The following CNTN6 variants were observed in gnomAD, a reference collection of about 807,000 sequenced individuals.
CNTN6 encodes the protein contactin-6.
A neutral mutation model predicts 122.8 loss-of-function variants in CNTN6; 137 were observed. The ratio of observed to expected loss-of-function variants is 1.12; its 90% confidence interval spans 0.97 to 1.29. The LOEUF (loss-of-function observed/expected upper bound fraction) is 1.29. CNTN6 is among the 50% of genes most tolerant of loss of function. CNTN6 has a pLI of 0.00. For missense variants in CNTN6, 1,634 were observed against 1,223.4 expected, an observed-to-expected ratio of 1.34 and a Z score of -5.01; for synonymous variants, 570 against 426.0, an observed-to-expected ratio of 1.34 and a Z score of -4.16.
At chr3:1,304,826 CTACAAAAAA>C (rs1028487783) in intron 7 of CNTN6, among the ~76,000 whole-genome samples, 3 of 151,558 alleles carry the variant, frequency 2.0e-5, no homozygotes, top group African/African-American at 7.3e-5. Flanking sequence ...ACCCCCTTAT[CTACAAAAAA>C]TACAAAAAAT....
At chr3:1,269,497 G>A (rs968884700) in intron 4 of CNTN6, among the ~76,000 whole-genome samples, 16 of 152,136 alleles carry the variant, frequency 1.1e-4, no homozygotes, top group African/African-American at 3.9e-4. Flanking sequence ...TTTAAATGTA[G>A]GGAATATGCC....
intron 1 of CNTN6, among the ~76,000 whole-genome samples, chr3:1,124,217 G>A (rs189000901): frequency 1.6e-4 from 24 of 152,002 alleles, no homozygotes; most frequent in African/African-American, 4.3e-4. Flanking sequence ...AGAGGAAAGC[G>A]TTCCTTTGTC....
At chr3:1,246,573 G>A (rs2094585649) in intron 4 of CNTN6, among the ~76,000 whole-genome samples, 1 of 151,914 alleles carries the variant, frequency 6.6e-6, no homozygotes. Context: ...CGGGAAATTG[G>A]GCATGCATAT....
chr3:1,394,230 A>G, intron 20 of CNTN6: 1 of 241,656 alleles, frequency 4.1e-6, no homozygotes. Flanking sequence ...CCGCACCAAT[A>G]GTGCCAGCCC....
chr3:1,166,236 C>A (rs527696232), intron 2 of CNTN6, among the ~76,000 whole-genome samples: 26 of 152,076 alleles, frequency 1.7e-4, no homozygotes, highest in Non-Finnish European at 2.5e-4. Flanking sequence ...TGTGGAGGGG[C>A]TCTGAGTGGG....
intron 2 of CNTN6, among the ~76,000 whole-genome samples, chr3:1,153,923 C>T (rs17034400): frequency 0.013 from 1,968 of 152,230 alleles, 51 homozygotes; most frequent in African/African-American, 0.044. Flanking sequence ...ATATTGAGTA[C>T]GTCACAACCC....
rs184326302 is a variant in CNTN6, at chr3:1,176,474, C to T, written c.55+28411C>T. On this transcript the variant is annotated intron_variant, in intron 2 of 22. Transcript: ENST00000446702. ...CAACCTGGTTAGCCGAAGAGAGTGGCTGGTAGAGAATGACTAGCATGCAAC... is the reference window on the plus strand; with the variant it reads ...CAACCTGGTTAGCCGAAGAGAGTGGTTGGTAGAGAATGACTAGCATGCAAC... Among the ~76,000 whole-genome samples the T allele has an allele frequency of 2.4e-4, 36 of 152,216 alleles. No homozygotes were observed. The East Asian group carries it at 6.2e-3, about 26-fold the overall frequency.
intron 11 of CNTN6, among the ~76,000 whole-genome samples, chr3:1,345,792 C>T (rs986335312): frequency 8.5e-5 from 13 of 152,050 alleles, no homozygotes; most frequent in Non-Finnish European, 1.3e-4. Flanking sequence ...TCTTATCTAA[C>T]TCATTTTAAT....
intron 7 of CNTN6, among the ~76,000 whole-genome samples, chr3:1,305,302 G>T (rs1698178220): frequency 6.6e-6 from 1 of 152,168 alleles, no homozygotes; most frequent in Non-Finnish European, 1.5e-5. Context: ...GCTAGTGTGA[G>T]TATAGAATAA....
intron 5 of CNTN6, among the ~76,000 whole-genome samples, chr3:1,282,948 A>C (rs571811041): frequency 3.3e-5 from 5 of 152,266 alleles, no homozygotes; most frequent in African/African-American, 1.2e-4. Flanking sequence ...GTCATCCCTC[A>C]GTTCATGCAA....
At chr3:1,374,565 CTAATTGAGCAT>C (rs915083334) in intron 16 of CNTN6, among the ~76,000 whole-genome samples, 1 of 152,046 alleles carries the variant, frequency 6.6e-6, no homozygotes, top group African/African-American at 2.4e-5. Flanking sequence ...AACAGGGGCA[CTAATTGAGCAT>C]TAATTGGTTC....
At chr3:1,277,472 G>A (rs535737432) in intron 4 of CNTN6, among the ~76,000 whole-genome samples, 7 of 145,872 alleles carry the variant, frequency 4.8e-5, no homozygotes, top group Non-Finnish European at 1.0e-4. Flanking sequence ...CAATTCTCAT[G>A]CCTCAGCCTC....
chr3:1,217,218 C>G (rs1368953066), intron 2 of CNTN6, among the ~76,000 whole-genome samples: 2 of 152,126 alleles, frequency 1.3e-5, no homozygotes, highest in African/African-American at 2.4e-5. Context: ...GAAGTCTGAC[C>G]TGAGTGGTCT....
intron 20 of CNTN6, among the ~76,000 whole-genome samples, chr3:1,391,636 G>T (rs1481156258): frequency 7.3e-5 from 11 of 151,468 alleles, no homozygotes; most frequent in African/African-American, 2.7e-4. Flanking sequence ...CAGATGAGAT[G>T]ATTGTATATC....
At chr3:1,187,236 G>C (rs1221984690) in intron 2 of CNTN6, among the ~76,000 whole-genome samples, 1 of 151,852 alleles carries the variant, frequency 6.6e-6, no homozygotes, top group Non-Finnish European at 1.5e-5. Flanking sequence ...GCGTAATGAA[G>C]TATGTTTTTT....
In CNTN6 at chr3:1,344,089, C is replaced by T. The variant is rs142138433; in HGVS notation, c.1365-8235C>T. 3.4e-4 allele frequency among the ~76,000 whole-genome samples: 51 copies of T among 152,228 alleles called. No homozygotes were observed. The East Asian group carries it at 9.7e-3, about 29-fold the overall frequency. On this transcript the variant is annotated intron_variant, in intron 11 of 22. Transcript: ENST00000446702. ...TGCGGTTAAGTTAGTTATTGAATCT[C>T]CCTGCATCTCAGTTTTTTGATGTGG...
chr3:1,400,523 G>T (rs983963027), intron 20 of CNTN6, among the ~76,000 whole-genome samples: 7 of 152,078 alleles, frequency 4.6e-5, no homozygotes, highest in African/African-American at 1.7e-4. Context: ...TCGCAGTTTG[G>T]ATTTAAAGTT....
chr3:1,315,284 T>C (rs1575667319), intron 7 of CNTN6, among the ~76,000 whole-genome samples: 1 of 151,978 alleles, frequency 6.6e-6, no homozygotes, highest in Non-Finnish European at 1.5e-5. Flanking sequence ...ATTGCTAGTA[T>C]CAACATGGAC....
chr3:1,205,592 AT>A (rs1270118368), intron 2 of CNTN6, among the ~76,000 whole-genome samples: 1 of 152,174 alleles, frequency 6.6e-6, no homozygotes, highest in Non-Finnish European at 1.5e-5. Context: ...ACCTATCTAC[AT>A]CTACAAGTCC....
Sources: allele counts gnomAD v4.1 joint callset (sites outside exome capture counted in the v4.1 genomes callset), GRCh38; gene constraint gnomAD v4.1.1; transcripts MANE v1.5; gene names NCBI Gene and HGNC (gene_info 2026-07-23, HGNC 2026-07-21).